ABCC1: variants seen among roughly 807,000 people sequenced by gnomAD.
ABCC1 encodes the protein ATP binding cassette subfamily C member 1 (ABCC1 blood group), also known as multidrug resistance-associated protein 1.
Under a neutral mutation model 172.9 loss-of-function variants are expected in ABCC1, and 83 were observed. That is an observed-to-expected ratio of 0.48 (90% CI 0.40 to 0.58). ABCC1 has a LOEUF of 0.58. ABCC1 is among the 20% of genes least tolerant of loss of function. ABCC1 has a pLI of 0.00. For synonymous variants in ABCC1, 937 were observed against 825.2 expected (o/e 1.14, Z -2.32); for missense variants, 1,817 against 2,002.7 (o/e 0.91, Z 1.77).
At chr16:16,065,346 G>A (rs372467975) in intron 12 of ABCC1, among the ~76,000 whole-genome samples, 1 of 152,056 alleles carries the variant, frequency 6.6e-6, no homozygotes, top group South Asian at 2.1e-4. Context: ...CTGCAGCCTC[G>A]ACCTCCTGGG....
chr16:16,081,851 C>A (rs1197684128), intron 16 of ABCC1, among the ~76,000 whole-genome samples: 1 of 151,994 alleles, frequency 6.6e-6, no homozygotes, highest in African/African-American at 2.4e-5. Flanking sequence ...GAAACCCCGT[C>A]TCTACTGAAA....
At chr16:16,078,577 G>A (rs1415971469) in intron 15 of ABCC1, among the ~76,000 whole-genome samples, 2 of 152,100 alleles carry the variant, frequency 1.3e-5, no homozygotes, top group Admixed American at 6.6e-5. Flanking sequence ...CAGTGCCATC[G>A]CATCCCTGGT....
At chr16:16,080,985 C>T (rs2050785034) in intron 16 of ABCC1, among the ~76,000 whole-genome samples, 1 of 152,138 alleles carries the variant, frequency 6.6e-6, no homozygotes, top group Non-Finnish European at 1.5e-5. Context: ...CTGTCTCAGC[C>T]TCTTGAGTAG....
rs529446113 is a variant in ABCC1 at position 15,971,226 on chromosome 16, C to T, written c.48+21427C>T. Among the ~76,000 whole-genome samples, 14 of 152,228 alleles carry T rather than the reference C, an allele frequency of 9.2e-5. No homozygotes were observed. In the South Asian group the frequency reaches 2.3e-3, roughly 25 times the overall value. On this transcript the variant is annotated intron_variant, in intron 1 of 30. Transcript: ENST00000399410. ...TTGGTTTGACTAGGCATGTCTTTCA[C>T]GTAGCGCATGAAAAAGCTGGCCCTC... is the stretch of plus-strand genomic sequence containing the variant.
At chr16:16,112,220 C>T (rs948077938) in intron 22 of ABCC1, among the ~76,000 whole-genome samples, 1 of 152,014 alleles carries the variant, frequency 6.6e-6, no homozygotes, top group African/African-American at 2.4e-5. Context: ...AACTACAGGT[C>T]ACGTGGTGGT....
chr16:16,079,255 T>G, intron 15 of ABCC1, 97 bp from the exon 16 acceptor site: 1 of 1,537,912 alleles, frequency 6.5e-7, no homozygotes, highest in Non-Finnish European at 8.8e-7. Flanking sequence ...GTCTTTCTCT[T>G]TCTCTACTTG....
At chr16:16,017,098 G>T (rs3784863) in intron 5 of ABCC1, among the ~76,000 whole-genome samples, 105,877 of 152,012 alleles carry the variant, frequency 0.7, 37,443 homozygotes, top group Non-Finnish European at 0.75. Flanking sequence ...GGATTTGAGT[G>T]TGAGATCCTT....
Position 16,102,785 on chromosome 16 carries a change from C to A in ABCC1, c.2735+68C>A. On this transcript the variant is annotated intron_variant, in intron 20 of 30. Coordinates refer to ENST00000399410, the MANE Select transcript of ABCC1 (RefSeq NM_004996.4). ...GCCAGTGGGAGGACAAGAGGAGGAACAAAAAAAGGCCTCAGCCCCCTGAGG... is the reference window on the plus strand; with the variant it reads ...GCCAGTGGGAGGACAAGAGGAGGAAAAAAAAAAGGCCTCAGCCCCCTGAGG... The A allele has an allele frequency of 1.5e-5, 22 of 1,448,638 alleles. No individual in the cohort carries two copies. In the Admixed American group the frequency reaches 2.2e-4, roughly 15 times the overall value. The allele number at this position is 1,448,638 out of a possible 1,614,324, so 89.7% of individuals were successfully genotyped here. A position where few individuals can be genotyped will look rare whatever the true frequency, so the allele number is the denominator to read the frequency against.
At chr16:16,136,751 C>T (rs2045932111) in intron 29 of ABCC1, 107 bp downstream of exon 29, 12 of 1,315,438 alleles carry the variant, frequency 9.1e-6, no homozygotes, top group South Asian at 1.5e-5. Flanking sequence ...ATTTGAGTCC[C>T]AGATGACCAT....
rs140917672 is a variant in ABCC1 at position 16,082,137 on chromosome 16, G to C, written c.2116-1229G>C. On this transcript the variant is annotated intron_variant, in intron 16 of 30. Transcript: ENST00000399410. ...CAGTCGTTCCCTCACAGGATTGATC[G>C]ATGTTCCTGTCACGCTGGCCTTTCT... 2.3e-4 allele frequency among the ~76,000 whole-genome samples: 35 copies of C among 152,178 alleles called. 1 individual carries two copies. Among genetic ancestry groups the C allele is most frequent in the East Asian group, 1.5e-3 (8 of 5,192 alleles).
rs376727124 is a variant in ABCC1 at position 16,086,875 on chromosome 16, G to C, written c.2344G>C (p.Val782Leu). 1.2e-6 allele frequency: 2 copies of C among 1,614,042 alleles called. No homozygotes were observed. Among genetic ancestry groups the C allele is most frequent in the East Asian group, 2.2e-5 (1 of 44,894 alleles). ...QKQRVSLARA[V>L]YSNADIYLFD... ...GCAGCGCGTGAGCCTGGCCCGGGCC[G>C]TGTACTCCAACGCTGACATTTACCT... Residue 782 changes from valine (V) to leucine (L), a missense_variant, in exon 18 of 31, where the codon GTG becomes CTG. Transcript: ENST00000399410.
chr16:16,117,921 G>A (rs1035003405), intron 23 of ABCC1, among the ~76,000 whole-genome samples: 6 of 152,108 alleles, frequency 3.9e-5, no homozygotes, highest in African/African-American at 1.4e-4. Context: ...AAACAGAGAA[G>A]TTTCTGTTGG....
chr16:15,969,367 C>CTT (rs57250944), intron 1 of ABCC1, among the ~76,000 whole-genome samples: 22 of 131,612 alleles, frequency 1.7e-4, no homozygotes, highest in South Asian at 4.8e-4. Flanking sequence ...GCTGGTCAGT[C>CTT]TTTTTTTTTT....
intron 1 of ABCC1, among the ~76,000 whole-genome samples, chr16:15,982,169 C>A (rs1217709955): frequency 1.3e-5 from 2 of 152,166 alleles, no homozygotes; most frequent in Non-Finnish European, 2.9e-5. Flanking sequence ...CCAAACTGTT[C>A]CAGCCTCTGC....
rs2052068368 is a variant in ABCC1 at position 16,105,843 on chromosome 16, G to A, written c.2736-895G>A. Reference sequence around the variant, plus strand: ...AATCTGTGATCATCTCTGGGGGTCTGCATAAAGCTCATGACCACTGATGTG... The same window carrying A: ...AATCTGTGATCATCTCTGGGGGTCTACATAAAGCTCATGACCACTGATGTG... On this transcript the variant is annotated intron_variant, in intron 20 of 30. Transcript: ENST00000399410. 2.7e-5 allele frequency among the ~76,000 whole-genome samples: 4 copies of A among 148,762 alleles called. No individual in the cohort carries two copies. In the East Asian group the frequency reaches 6.0e-4, roughly 22 times the overall value.
intron 1 of ABCC1, among the ~76,000 whole-genome samples, chr16:15,956,069 G>A (rs1017455278): frequency 6.6e-6 from 1 of 151,998 alleles, no homozygotes; most frequent in African/African-American, 2.4e-5. Context: ...CCAACATGGT[G>A]AAAGCCCATC....
intron 3 of ABCC1, among the ~76,000 whole-genome samples, chr16:16,012,753 G>C (rs572413173): frequency 7.4e-4 from 112 of 150,600 alleles, no homozygotes; most frequent in African/African-American, 2.4e-3. Flanking sequence ...CATGATCTTG[G>C]CTCACTGCAA....
intron 14 of ABCC1, among the ~76,000 whole-genome samples, chr16:16,075,156 G>C (rs182906314): frequency 3.3e-5 from 5 of 152,016 alleles, no homozygotes; most frequent in Admixed American, 2.6e-4. Flanking sequence ...CGTTGGCCAG[G>C]CTGGTCTCGA....
At position 15,989,088 on chromosome 16, in the gene ABCC1, A is replaced by T. The variant is rs1044166897; in HGVS notation, c.49-18728A>T. Among the ~76,000 whole-genome samples the T allele has an allele frequency of 6.6e-5, 10 of 151,962 alleles. No individual in the cohort carries two copies. In the South Asian group the frequency reaches 1.9e-3, roughly 28 times the overall value. On this transcript the variant is annotated intron_variant, in intron 1 of 30. Coordinates refer to ENST00000399410, the MANE Select transcript of ABCC1 (RefSeq NM_004996.4). ...TGTCTCAAAAAAAAAAAAAAAAAAA[A>T]AAAATTAGTTTTGCATGTAACTGTG...
Sources: allele counts gnomAD v4.1 joint callset (sites outside exome capture counted in the v4.1 genomes callset), GRCh38; gene constraint gnomAD v4.1.1; transcripts MANE v1.5; gene names NCBI Gene and HGNC (gene_info 2026-07-23, HGNC 2026-07-21).